INPP5D: variants seen among roughly 807,000 people sequenced by gnomAD.
INPP5D encodes inositol polyphosphate-5-phosphatase D.
A neutral mutation model predicts 122.9 loss-of-function variants in INPP5D; 33 were observed. That is an observed-to-expected ratio of 0.27 (90% CI 0.20 to 0.36). INPP5D has a LOEUF of 0.36. Ranked by LOEUF, INPP5D falls within the 10% of genes least tolerant of loss-of-function variation. INPP5D has a pLI of 1.00. For missense variants in INPP5D, 1,053 were observed against 1,412.7 expected (o/e 0.75, Z 4.08); for synonymous variants, 584 against 576.2 (o/e 1.01, Z -0.19).
intron 2 of INPP5D, among the ~76,000 whole-genome samples, chr2:233,095,783 A>T (rs1453098469): frequency 6.6e-6 from 1 of 152,174 alleles, no homozygotes; most frequent in Admixed American, 6.5e-5. Flanking sequence ...AAGGAAATAC[A>T]TAGGAAATAG....
At position 233,198,291 on chromosome 2, in the gene INPP5D, C is replaced by T. The variant is rs758811180; in HGVS notation, c.2890C>T (p.Pro964Ser). ...GPCRGESPPT[P>S]PGQPPISPKK... ...CTGCAGGGGAGAAAGTCCTCCGACA[C>T]CTCCCGGCCAGCCGCCCATATCACC... Residue 964 changes from proline to serine, a missense_variant, in exon 25 of 27, where the codon CCT (proline) becomes TCT (serine). Pro to Ser is a moderately conservative substitution (Grantham distance 74). Coordinates refer to ENST00000445964, the MANE Select transcript of INPP5D (RefSeq NM_001017915.3). The T allele has an allele frequency of 1.9e-6, 3 of 1,613,632 alleles. No individual in the cohort carries two copies. The East Asian group carries it at 6.7e-5, about 36-fold the overall frequency.
intron 2 of INPP5D, among the ~76,000 whole-genome samples, chr2:233,098,733 C>T (rs1375788973): frequency 6.6e-6 from 1 of 152,108 alleles, no homozygotes; most frequent in Non-Finnish European, 1.5e-5. Flanking sequence ...GGTGCCTGTC[C>T]TTCCTAATGG....
intron 5 of INPP5D, 32 bp downstream of exon 5, chr2:233,130,680 G>A: frequency 6.2e-7 from 1 of 1,612,788 alleles, no homozygotes; most frequent in Non-Finnish European, 8.5e-7. Flanking sequence ...CGGGCAGGTG[G>A]GGGCGGCCAC....
intron 2 of INPP5D, among the ~76,000 whole-genome samples, chr2:233,094,629 C>A (rs1692084963): frequency 6.6e-6 from 1 of 150,670 alleles, no homozygotes; most frequent in South Asian, 2.1e-4. Context: ...TAGAACCTTG[C>A]TGCTCAGAGT....
intron 1 of INPP5D, among the ~76,000 whole-genome samples, chr2:233,063,676 G>A (rs912300900): frequency 7.2e-5 from 11 of 152,248 alleles, no homozygotes; most frequent in African/African-American, 2.4e-4. Flanking sequence ...TCAGCAGCTT[G>A]GAAAGCCCTG....
At chr2:233,075,906 T>C (rs760329834) in intron 1 of INPP5D, among the ~76,000 whole-genome samples, 10 of 152,214 alleles carry the variant, frequency 6.6e-5, no homozygotes, top group Non-Finnish European at 1.0e-4. Flanking sequence ...AAGGGGGAAG[T>C]ATCTTCTTCC....
At position 233,206,734 on chromosome 2, in the gene INPP5D, C is replaced by T. The variant is rs767706112; in HGVS notation, c.*26C>T. ...AGCCCTCAGTGAGCTGCCACTGAGT[C>T]GGGAGCCCAGAGGAACGGCGTGAAG... On this transcript the variant is annotated 3_prime_UTR_variant, in exon 27 of 27. Transcript: ENST00000445964. This position sits in a 1 kb window ranked among gnomAD's most constrained non-coding sequence, Gnocchi z 4.0. 1.0e-5 allele frequency: 8 copies of T among 767,200 alleles called. 1 individual carries two copies. Among genetic ancestry groups the T allele is most frequent in the South Asian group, 2.8e-5 (2 of 72,062 alleles). The allele number at this position is 767,200 out of a possible 1,614,324, so 47.5% of individuals were successfully genotyped here.
At chr2:233,129,884 TTGTGTGTGTGTGTGTG>T (rs140392015) in intron 4 of INPP5D, among the ~76,000 whole-genome samples, 3 of 149,716 alleles carry the variant, frequency 2.0e-5, no homozygotes, top group East Asian at 4.0e-4. Flanking sequence ...TGGCCTCCTT[TTGTGTGTGTGTGTGTG>T]TGTGTGTGTG....
chr2:233,122,582 C>T (rs990872488), intron 3 of INPP5D, among the ~76,000 whole-genome samples: 1 of 152,288 alleles, frequency 6.6e-6, no homozygotes, highest in South Asian at 2.1e-4. Context: ...GTGGGAGGAT[C>T]GCTTGAGGCC....
rs74554801 is a variant in INPP5D, at chr2:233,189,738, T to G, written c.2359-112T>G. 2.9e-3 allele frequency: 4,308 copies of G among 1,482,078 alleles called. 10 individuals are homozygous for G. Among genetic ancestry groups the G allele is most frequent in the Non-Finnish European group, 3.4e-3 (3,803 of 1,104,022 alleles). 91.8% of individuals were successfully genotyped at this position (1,482,078 alleles called of 1,614,324 possible). ...CTCTTGGGTATGGACAGCAGAGATT[T>G]AGATCTGATTACTAAGAACACCTTT... is the stretch of plus-strand genomic sequence containing the variant. On this transcript the variant is annotated intron_variant, in intron 21 of 26. Coordinates refer to ENST00000445964, the MANE Select transcript of INPP5D (RefSeq NM_001017915.3). The surrounding 1 kb of genome is among the most constrained non-coding windows in gnomAD (Gnocchi z 5.6).
chr2:233,120,390 C>A (rs948532418), intron 2 of INPP5D, among the ~76,000 whole-genome samples: 35 of 152,216 alleles, frequency 2.3e-4, no homozygotes, highest in African/African-American at 7.9e-4. Flanking sequence ...AGGCTGAGGC[C>A]AGAAAATTGC....
intron 2 of INPP5D, among the ~76,000 whole-genome samples, chr2:233,121,316 G>C (rs987534582): frequency 3.3e-5 from 5 of 150,954 alleles, no homozygotes; most frequent in African/African-American, 1.2e-4. Context: ...GTTTTTAGTA[G>C]AGACTGGGTT....
intron 6 of INPP5D, chr2:233,140,229 C>A: frequency 5.3e-6 from 1 of 189,522 alleles, no homozygotes; most frequent in Non-Finnish European, 1.1e-5. Flanking sequence ...CATTTCTTAT[C>A]AGAAACTGAA....
rs760927030 is a variant in INPP5D at position 233,184,420 on chromosome 2, T to C, written c.2174T>C (p.Val725Ala). Residue 725 changes from valine to alanine, a missense_variant, in exon 20 of 27, where the codon GTT becomes GCT. Around this residue, in one of 6 missense-constraint regions of INPP5D, gnomAD observed 258 missense variants for 439.1 expected, o/e 0.59. Transcript: ENST00000445964. ...TCCCCTGTTCCAGGTCCCGGGACTG[T>C]TGACAGCCAAGGACAGATTGAGTTT... is the stretch of plus-strand genomic sequence containing the variant. ...QFVSKNGPGT[V>A]DSQGQIEFLR... The C allele has an allele frequency of 2.2e-5, 35 of 1,613,866 alleles. No individual in the cohort carries two copies. The highest frequency in any genetic ancestry group is 2.4e-5 in the Non-Finnish European group (28 of 1,179,894).
intron 18 of INPP5D, among the ~76,000 whole-genome samples, chr2:233,181,579 T>C (rs564822919): frequency 1.3e-5 from 2 of 152,312 alleles, no homozygotes; most frequent in South Asian, 4.1e-4. Context: ...AGAACTGTCT[T>C]TCTAGAACTG....
At chr2:233,198,647 A>G (rs564786262) in intron 25 of INPP5D, among the ~76,000 whole-genome samples, 2 of 152,346 alleles carry the variant, frequency 1.3e-5, no homozygotes, top group East Asian at 3.9e-4. Context: ...AAAACTATAT[A>G]CATATCAAAA....
Position 233,128,158 on chromosome 2 carries a change from T to C in INPP5D, c.524+2239T>C, listed in dbSNP as rs113597069. Reference sequence around the variant, plus strand: ...TGAGTGTGAACCCGGTTGTGAACTGTGCACTTGAGGGATCTAGGCTGCACG... The same window carrying C: ...TGAGTGTGAACCCGGTTGTGAACTGCGCACTTGAGGGATCTAGGCTGCACG... On this transcript the variant is annotated intron_variant, in intron 4 of 26. Transcript: ENST00000445964. This position sits in a 1 kb window ranked among gnomAD's most constrained non-coding sequence, Gnocchi z 4.5. Among the ~76,000 whole-genome samples the C allele has an allele frequency of 9.4e-3, 1,424 of 152,228 alleles. 8 individuals carry two copies. The highest frequency in any genetic ancestry group is 0.013 in the African/African-American group (546 of 41,526).
intron 2 of INPP5D, among the ~76,000 whole-genome samples, chr2:233,091,450 G>A (rs1046864648): frequency 6.6e-6 from 1 of 152,222 alleles, no homozygotes; most frequent in African/African-American, 2.4e-5. Flanking sequence ...TCCTTCCAGA[G>A]GCTTCAGGGG....
chr2:233,114,871 C>CTTT (rs538448378), intron 2 of INPP5D, among the ~76,000 whole-genome samples: 1 of 144,950 alleles, frequency 6.9e-6, no homozygotes, highest in Non-Finnish European at 1.5e-5. Flanking sequence ...TTTGTTTCCA[C>CTTT]TTTTTTTTTT....
Sources: gnomAD v4.1 joint callset for allele counts (sites outside exome capture counted in the v4.1 genomes callset) on GRCh38, gnomAD v4.1.1 for gene constraint, gnomAD v4.1.1 regional missense constraint, Gnocchi (gnomAD v3.1) non-coding constraint, MANE v1.5 for transcripts, NCBI Gene and HGNC (gene_info 2026-07-23, HGNC 2026-07-21) for gene names.